Variants in TMEM8B observed in about 807,000 individuals in gnomAD.
TMEM8B encodes the protein nasopharyngeal carcinoma expressed 6.
In TMEM8B, 29 loss-of-function variants were observed where a neutral mutation model predicts 49.3. The observed-to-expected ratio is 0.59, with a 90% CI of 0.44 to 0.80. The LOEUF is 0.80. TMEM8B is among the 30% of genes least tolerant of loss of function. The probability of loss-of-function intolerance (pLI) is 0.00; values close to 1 mark genes in which losing one functional copy is unlikely to be tolerated. For synonymous variants in TMEM8B, 264 were observed against 272.8 expected (o/e 0.97, Z 0.32); for missense variants, 575 against 658.5 (o/e 0.87, Z 1.39).
At chr9:35,850,461 G>A (rs546154467) in intron 10 of TMEM8B, among the ~76,000 whole-genome samples, 2 of 151,972 alleles carry the variant, frequency 1.3e-5, no homozygotes, top group East Asian at 3.9e-4. Context: ...ATTAGTCCAC[G>A]GTTTTTAGTG....
intron 1 of TMEM8B, among the ~76,000 whole-genome samples, chr9:35,833,864 T>C (rs1381125140): frequency 1.3e-5 from 2 of 152,216 alleles, no homozygotes; most frequent in Non-Finnish European, 2.9e-5. Flanking sequence ...CCTGAGCCAG[T>C]ATACAGGCAG....
chr9:35,852,847 G>C lies in TMEM8B; in HGVS notation c.2196G>C (p.Gln732His). ...TTCAGTTCTATCATGCCTGTGACCAGCCAGGCATCGTGGTTTTCTGCATCA... is the reference window on the plus strand; with the variant it reads ...TTCAGTTCTATCATGCCTGTGACCACCCAGGCATCGTGGTTTTCTGCATCA... ...FFSTFYHACD[Q>H]PGIVVFCIMD... Residue 732 changes from glutamine to histidine, a missense_variant, in exon 11 of 13, where the codon CAG (glutamine) becomes CAC (histidine). By Grantham distance (24) the Gln-to-His change is conservative. Coordinates refer to ENST00000643932, the MANE Select transcript of TMEM8B (RefSeq NM_001042590.4). 6.2e-7 allele frequency: 1 copy of C among 1,614,176 alleles called. No homozygotes were observed. Among genetic ancestry groups the C allele is most frequent in the Non-Finnish European group, 8.5e-7 (1 of 1,180,036 alleles).
At chr9:35,837,374 G>A (rs150399980) in intron 3 of TMEM8B, among the ~76,000 whole-genome samples, 439 of 152,280 alleles carry the variant, frequency 2.9e-3, no homozygotes, top group Non-Finnish European at 3.6e-3. Flanking sequence ...GCTTGCTAGC[G>A]TGGTGGAGGT....
intron 1 of TMEM8B, 150 bp from the exon 2 acceptor site, chr9:35,834,311 T>A (rs1167934387): frequency 2.5e-6 from 1 of 397,408 alleles, no homozygotes; most frequent in Non-Finnish European, 4.4e-6. Flanking sequence ...GATGGCTAGG[T>A]TTCAGATCTG....
In TMEM8B at chr9:35,855,914, C is replaced by G. The variant is rs1288082311; in HGVS notation, c.*2074C>G. 1 of 152,144 alleles carries G rather than the reference C, an allele frequency of 6.6e-6. No individual in the cohort carries two copies. 9.4% of individuals were successfully genotyped at this position (152,144 alleles called of 1,614,324 possible). A position where few individuals can be genotyped will look rare whatever the true frequency, so the allele number is the denominator to read the frequency against. On this transcript the variant is annotated 3_prime_UTR_variant, in exon 13 of 13. Coordinates refer to ENST00000643932, the MANE Select transcript of TMEM8B (RefSeq NM_001042590.4). ...TGTTCCCATTTTAGAAAATACTGTT[C>G]CTACATCAGAAATACCACATTAAGA...
In TMEM8B at chr9:35,864,313, C is replaced by T. The variant is rs889254453; in HGVS notation, c.*10473C>T. 6.6e-6 allele frequency: 1 copy of T among 152,156 alleles called. No individual in the cohort carries two copies. The highest frequency in any genetic ancestry group is 1.5e-5 in the Non-Finnish European group (1 of 68,040). 9.4% of individuals were successfully genotyped at this position (152,156 alleles called of 1,614,324 possible). ...ATTGTCTGGTAAATCTAATTTTAAC[C>T]ACTTAATACTTATTTTAGGCTTCAC... On this transcript the variant is annotated 3_prime_UTR_variant, in exon 13 of 13. Transcript: ENST00000643932.
At chr9:35,834,922 AAGAGTGACAGTTCTT>A (rs2132237673) in intron 2 of TMEM8B, 74 bp from the exon 3 acceptor site, 1 of 415,042 alleles carries the variant, frequency 2.4e-6, no homozygotes, top group East Asian at 3.6e-5. Context: ...TTTATCGGTG[AAGAGTGACAGTTCTT>A]TTCTTTCTTT....
chr9:35,844,020 G>A (rs968997234), intron 6 of TMEM8B, among the ~76,000 whole-genome samples: 1 of 152,174 alleles, frequency 6.6e-6, no homozygotes, highest in Non-Finnish European at 1.5e-5. Context: ...TGCCTCGGCC[G>A]CCCAACATGT....
Position 35,860,339 on chromosome 9 carries a change from T to G in TMEM8B, c.*6499T>G, listed in dbSNP as rs1017236407. The G allele has an allele frequency of 8.5e-5, 13 of 152,272 alleles. No individual in the cohort carries two copies. Among genetic ancestry groups the G allele is most frequent in the African/African-American group, 2.9e-4 (12 of 41,466 alleles). The allele number at this position is 152,272 out of a possible 1,614,324, so 9.4% of individuals were successfully genotyped here. On this transcript the variant is annotated 3_prime_UTR_variant, in exon 13 of 13. Coordinates refer to ENST00000643932, the MANE Select transcript of TMEM8B (RefSeq NM_001042590.4). The stretch of plus-strand genomic sequence containing the variant: ...TTAACAGGAAGCATCTTTTCTACAT[T>G]ACGGTTTCATGTGACCAAATTATGG...
At chr9:35,846,744 C>A in intron 9 of TMEM8B, 73 bp from the exon 10 acceptor site, 1 of 1,551,072 alleles carries the variant, frequency 6.4e-7, no homozygotes, top group Non-Finnish European at 8.7e-7. Flanking sequence ...GGTGAGACCA[C>A]CCTCCACAAG....
In TMEM8B at chr9:35,856,983, G is replaced by C. The variant is rs1193414912; in HGVS notation, c.*3143G>C. ...GGAATCCTTGGTTGTCTCCTGACTT[G>C]TCTCAGTGGGGGAGATCCCAAGATT... On this transcript the variant is annotated 3_prime_UTR_variant, in exon 13 of 13. Coordinates refer to ENST00000643932, the MANE Select transcript of TMEM8B (RefSeq NM_001042590.4). 1 of 152,262 alleles carries C rather than the reference G, an allele frequency of 6.6e-6. No individual in the cohort carries two copies. The highest frequency in any genetic ancestry group is 1.5e-5 in the Non-Finnish European group (1 of 68,062). 9.4% of individuals were successfully genotyped at this position (152,262 alleles called of 1,614,324 possible). A position where few individuals can be genotyped will look rare whatever the true frequency, so the allele number is the denominator to read the frequency against.
rs1340175888 is a variant in TMEM8B at position 35,845,969 on chromosome 9, C to T, written c.1636-6C>T. 1.9e-6 allele frequency: 3 copies of T among 1,613,632 alleles called. No individual in the cohort carries two copies. The highest frequency in any genetic ancestry group is 1.3e-5 in the African/African-American group (1 of 74,826). On this transcript the variant is annotated splice_polypyrimidine_tract_variant and splice_region_variant and intron_variant, in intron 6 of 12. Coordinates refer to ENST00000643932, the MANE Select transcript of TMEM8B (RefSeq NM_001042590.4). ...GCGGCCTCACTTCCATACCTGCCCT[C>T]CCCAGAGCTCCGTGCGCCAGGAAAA...
chr9:35,834,327 T>G, intron 1 of TMEM8B, 134 bp from the exon 2 acceptor site: 1 of 397,720 alleles, frequency 2.5e-6, no homozygotes, highest in Admixed American at 4.4e-5. Context: ...ATCTGCAGCC[T>G]GAAACCCAGT....
chr9:35,831,156 T>TA (rs1023367178), intron 1 of TMEM8B, among the ~76,000 whole-genome samples: 37 of 152,158 alleles, frequency 2.4e-4, no homozygotes, highest in Admixed American at 3.3e-4. Context: ...TCTGGTCACT[T>TA]ATGTGTATGT....
rs1425784228 is a variant in TMEM8B at position 35,856,789 on chromosome 9, A to T, written c.*2949A>T. ...ATGATGGTGATATTCTGATTTGGGG[A>T]TGGTGGTGCCATTCCCTGAGATGGT... On this transcript the variant is annotated 3_prime_UTR_variant, in exon 13 of 13. Transcript: ENST00000643932. The T allele has an allele frequency of 6.6e-6, 1 of 152,228 alleles. No homozygotes were observed. Among genetic ancestry groups the T allele is most frequent in the African/African-American group, 2.4e-5 (1 of 41,414 alleles). The allele number at this position is 152,228 out of a possible 1,614,324, so 9.4% of individuals were successfully genotyped here.
In TMEM8B at chr9:35,853,641, T is replaced by A. The variant is rs778240694; in HGVS notation, c.2576T>A (p.Phe859Tyr). Reference sequence around the variant, plus strand: ...TTTGTGGAGACCCGGGACAACTACTTCTACATTCACAGCATTTGGCATATG... The same window carrying A: ...TTTGTGGAGACCCGGGACAACTACTACTACATTCACAGCATTTGGCATATG... ...YAFVETRDNYFYIHSIWHMLI... is the reference protein window; with the variant it reads ...YAFVETRDNYYYIHSIWHMLI... The change falls in exon 13 of 13, where the codon TTC becomes TAC. Residue 859 changes from phenylalanine (F) to tyrosine (Y), a missense_variant. Coordinates refer to ENST00000643932, the MANE Select transcript of TMEM8B (RefSeq NM_001042590.4). This position sits in a 1 kb window ranked among gnomAD's most constrained non-coding sequence, Gnocchi z 4.2. 3.2e-5 allele frequency: 51 copies of A among 1,614,240 alleles called. No homozygotes were observed. The highest frequency in any genetic ancestry group is 4.3e-5 in the Non-Finnish European group (51 of 1,180,046).
Position 35,856,048 on chromosome 9 carries a change from C to T in TMEM8B, c.*2208C>T, listed in dbSNP as rs779451356. On this transcript the variant is annotated 3_prime_UTR_variant, in exon 13 of 13. Transcript: ENST00000643932. ...GTGGGAGACGGAGCTGGGGTGCATCCCTCCCAGTGAGGAGGGGTCATGAGG... is the reference window on the plus strand; with the variant it reads ...GTGGGAGACGGAGCTGGGGTGCATCTCTCCCAGTGAGGAGGGGTCATGAGG... The T allele has an allele frequency of 1.3e-5, 2 of 152,110 alleles. No individual in the cohort carries two copies. Among genetic ancestry groups the T allele is most frequent in the African/African-American group, 2.4e-5 (1 of 41,406 alleles). The allele number at this position is 152,110 out of a possible 1,614,324, so 9.4% of individuals were successfully genotyped here.
At chr9:35,834,432 T>G (rs1830237215) in intron 1 of TMEM8B, 29 bp from the exon 2 acceptor site, 1 of 413,594 alleles carries the variant, frequency 2.4e-6, no homozygotes, top group Non-Finnish European at 4.4e-6. Flanking sequence ...TGTCCTGCCC[T>G]GCTCCTTTCT....
At chr9:35,843,206 G>T (rs1446585988) in intron 6 of TMEM8B, among the ~76,000 whole-genome samples, 2 of 152,116 alleles carry the variant, frequency 1.3e-5, no homozygotes, top group Admixed American at 6.5e-5. Context: ...TCTCTGTCCT[G>T]TTCTTTTTTA....
Sources: gnomAD v4.1 joint callset for allele counts (sites outside exome capture counted in the v4.1 genomes callset) on GRCh38, gnomAD v4.1.1 for gene constraint, Gnocchi (gnomAD v3.1) non-coding constraint, MANE v1.5 for transcripts, NCBI Gene and HGNC (gene_info 2026-07-23, HGNC 2026-07-21) for gene names.